The following AGBL4 variants were observed in gnomAD, a reference collection of about 807,000 sequenced individuals.
AGBL4 encodes AGBL carboxypeptidase 4.
A neutral mutation model predicts 66.4 loss-of-function variants in AGBL4; 58 were observed. That is an observed-to-expected ratio of 0.87 (90% confidence interval 0.71 to 1.09). AGBL4 has a LOEUF of 1.09. Among genes scored for constraint, AGBL4 ranks in the 50% least tolerant of loss-of-function variants. AGBL4 has a pLI of 0.00. For synonymous variants in AGBL4, 234 were observed against 222.9 expected, an observed-to-expected ratio of 1.05 and a Z score of -0.44; for missense variants, 579 against 631.0, an observed-to-expected ratio of 0.92 and a Z score of 0.88.
At chr1:49,728,356 T>C (rs1649183636) in intron 2 of AGBL4, among the ~76,000 whole-genome samples, 1 of 152,204 alleles carries the variant, frequency 6.6e-6, no homozygotes, top group African/African-American at 2.4e-5. Flanking sequence ...ATTTTTAAGA[T>C]GAGAAATAGA....
At chr1:48,811,987 G>T (rs1216308157) in intron 6 of AGBL4, among the ~76,000 whole-genome samples, 7 of 152,154 alleles carry the variant, frequency 4.6e-5, no homozygotes, top group African/African-American at 1.7e-4. Flanking sequence ...TGACTTGGAA[G>T]TTCAGGAAGA....
At chr1:49,241,011 C>T (rs1651189076) in intron 4 of AGBL4, among the ~76,000 whole-genome samples, 1 of 151,998 alleles carries the variant, frequency 6.6e-6, no homozygotes, top group Non-Finnish European at 1.5e-5. Flanking sequence ...CTCTCCACAT[C>T]TAGTCAACCA....
chr1:49,573,314 G>C (rs1343049841), intron 3 of AGBL4, among the ~76,000 whole-genome samples: 1 of 151,882 alleles, frequency 6.6e-6, no homozygotes, highest in Admixed American at 6.6e-5. Flanking sequence ...TCTGGAATTG[G>C]CTGCTTAATA....
chr1:49,776,158 T>C (rs553932174), intron 2 of AGBL4, among the ~76,000 whole-genome samples: 1 of 152,128 alleles, frequency 6.6e-6, no homozygotes, highest in East Asian at 1.9e-4. Context: ...GAAAAAATGG[T>C]GGTCAGTTAT....
intron 5 of AGBL4, among the ~76,000 whole-genome samples, chr1:49,037,019 C>A (rs185853450): frequency 7.1e-4 from 108 of 151,840 alleles, no homozygotes; most frequent in African/African-American, 2.5e-3. Context: ...AGTGAAGTTT[C>A]TCGAACGTTA....
chr1:48,757,148 C>T (rs1643976836), intron 6 of AGBL4, among the ~76,000 whole-genome samples: 1 of 152,034 alleles, frequency 6.6e-6, no homozygotes, highest in Non-Finnish European at 1.5e-5. Context: ...GAATTAAGTA[C>T]CAAGAATTTC....
intron 3 of AGBL4, among the ~76,000 whole-genome samples, chr1:49,482,403 T>C (rs1646974265): frequency 6.6e-6 from 1 of 152,026 alleles, no homozygotes. Context: ...ATTTTTTTTC[T>C]AGATTATCTA....
At chr1:48,918,035 C>T (rs1241138966) in intron 5 of AGBL4, among the ~76,000 whole-genome samples, 1 of 152,186 alleles carries the variant, frequency 6.6e-6, no homozygotes, top group Admixed American at 6.5e-5. Flanking sequence ...AAAGGCAGCT[C>T]TCAGGGAAAC....
chr1:48,641,828 T>C (rs1019426086), intron 8 of AGBL4, among the ~76,000 whole-genome samples: 3 of 152,142 alleles, frequency 2.0e-5, no homozygotes, highest in Admixed American at 1.3e-4. Flanking sequence ...ATACTCTGTC[T>C]TAGCAGTCCT....
chr1:49,245,653 C>CA, intron 4 of AGBL4, 117 bp downstream of exon 4: 2 of 658,580 alleles, frequency 3.0e-6, no homozygotes, highest in Non-Finnish European at 5.1e-6. Flanking sequence ...GTAAAATTTT[C>CA]TTTTAAAAAT....
intron 1 of AGBL4, among the ~76,000 whole-genome samples, chr1:49,907,804 T>C (rs748817116): frequency 1.1e-4 from 17 of 152,070 alleles, no homozygotes; most frequent in Admixed American, 3.9e-4. Flanking sequence ...TTAATCCTAA[T>C]GTATGATAAT....
chr1:48,897,190 C>T (rs1299747746), intron 5 of AGBL4, among the ~76,000 whole-genome samples: 3 of 152,130 alleles, frequency 2.0e-5, no homozygotes, highest in Non-Finnish European at 2.9e-5. Flanking sequence ...TCTGTGTCAT[C>T]ATGAAATCCA....
chr1:49,233,052 T>A (rs990968210), intron 4 of AGBL4, among the ~76,000 whole-genome samples: 1 of 152,200 alleles, frequency 6.6e-6, no homozygotes, highest in Non-Finnish European at 1.5e-5. Flanking sequence ...TTTTCCCAAT[T>A]ACAATGTACA....
chr1:48,610,489 G>C (rs1413148889), intron 9 of AGBL4, among the ~76,000 whole-genome samples: 1 of 152,144 alleles, frequency 6.6e-6, no homozygotes. Flanking sequence ...AGAAATGGAT[G>C]ACTGAAACCT....
intron 4 of AGBL4, among the ~76,000 whole-genome samples, chr1:49,080,884 T>G (rs1644798102): frequency 1.3e-5 from 2 of 152,216 alleles, no homozygotes; most frequent in Admixed American, 6.5e-5. Context: ...AAAATTCCTT[T>G]TTGGTATTTT....
At chr1:49,787,845 G>A (rs1024519211) in intron 2 of AGBL4, among the ~76,000 whole-genome samples, 2 of 151,888 alleles carry the variant, frequency 1.3e-5, no homozygotes, top group African/African-American at 2.4e-5. Context: ...CTACCAGCTC[G>A]CCTGCACATA....
intron 5 of AGBL4, among the ~76,000 whole-genome samples, chr1:48,867,844 C>G (rs1229415111): frequency 6.6e-6 from 1 of 152,200 alleles, no homozygotes; most frequent in Non-Finnish European, 1.5e-5. Context: ...TAATATTTGT[C>G]TAGCACACTA....
intron 11 of AGBL4, among the ~76,000 whole-genome samples, chr1:48,568,660 C>T (rs1319953790): frequency 6.6e-6 from 1 of 152,194 alleles, no homozygotes; most frequent in Admixed American, 6.5e-5. Context: ...CTTGAAGCTC[C>T]AGACAATTCC....
chr1:49,133,016 A>G (rs1434000988), intron 4 of AGBL4, among the ~76,000 whole-genome samples: 1 of 152,194 alleles, frequency 6.6e-6, no homozygotes, highest in Non-Finnish European at 1.5e-5. Context: ...TAGACTGGAT[A>G]AAGAAAATGT....
Sources: allele counts gnomAD v4.1 joint callset (sites outside exome capture counted in the v4.1 genomes callset), GRCh38; gene constraint gnomAD v4.1.1; transcripts MANE v1.5; gene names NCBI Gene and HGNC (gene_info 2026-07-23, HGNC 2026-07-21).